Variants in PAK2 observed in about 807,000 individuals in gnomAD.
PAK2 encodes the protein p21 (RAC1) activated kinase 2, also known as serine/threonine-protein kinase PAK 2.
A neutral mutation model predicts 65.9 loss-of-function variants in PAK2; 21 were observed. The ratio of observed to expected loss-of-function variants is 0.32; its 90% CI spans 0.23 to 0.46. The LOEUF (loss-of-function observed/expected upper bound fraction) is 0.46, where lower values mean the gene tolerates loss of function less well. Among genes scored for constraint, PAK2 ranks in the 20% least tolerant of loss-of-function variants. PAK2 has a pLI of 1.00. For synonymous variants in PAK2, 204 were observed against 219.7 expected, an observed-to-expected ratio of 0.93 and a Z score of 0.63; for missense variants, 324 against 642.6, an observed-to-expected ratio of 0.50 and a Z score of 5.36.
rs1224350826 is a variant in PAK2 at position 196,829,883 on chromosome 3, G to T, written c.*1478G>T. ...GAGACCTGTAGCATTAATTATTTGA[G>T]TGCCCTCCCTTCTCCCCTCCCCTCC... On this transcript the variant is annotated 3_prime_UTR_variant, in exon 15 of 15. Coordinates refer to ENST00000327134, the MANE Select transcript of PAK2 (RefSeq NM_002577.4). The T allele has an allele frequency of 6.6e-6, 1 of 152,016 alleles. No homozygotes were observed. The highest frequency in any genetic ancestry group is 2.1e-4 in the South Asian group (1 of 4,820). The allele number at this position is 152,016 out of a possible 1,614,324, so 9.4% of individuals were successfully genotyped here. A position where few individuals can be genotyped will look rare whatever the true frequency, so the allele number is the denominator to read the frequency against.
At chr3:196,826,221 G>C (rs1441147651) in intron 13 of PAK2, among the ~76,000 whole-genome samples, 2 of 150,996 alleles carry the variant, frequency 1.3e-5, no homozygotes, top group South Asian at 2.1e-4. Context: ...GCCCAGGCTG[G>C]AGTGCAGTGG....
intron 1 of PAK2, among the ~76,000 whole-genome samples, chr3:196,762,586 T>C (rs1038005116): frequency 1.3e-5 from 2 of 149,262 alleles, no homozygotes; most frequent in African/African-American, 4.9e-5. Context: ...CTCGGCAGGC[T>C]GAGGCAGGAG....
At chr3:196,805,502 C>G (rs938925583) in intron 5 of PAK2, 119 bp downstream of exon 5, 2 of 536,124 alleles carry the variant, frequency 3.7e-6, no homozygotes, top group African/African-American at 4.0e-5. Context: ...AATAACTACT[C>G]AATAGGTGTT....
chr3:196,762,381 C>T lies in PAK2; in HGVS notation c.-21-20245C>T, dbSNP rs1269193116. 4.2e-5 allele frequency among the ~76,000 whole-genome samples: 6 copies of T among 141,816 alleles called. No individual in the cohort carries two copies. The East Asian group carries it at 6.1e-4, about 14-fold the overall frequency. 93.0% of individuals were successfully genotyped at this position (141,816 alleles called of 152,430 possible). A position where few individuals can be genotyped will look rare whatever the true frequency, so the allele number is the denominator to read the frequency against. ...TGGAGGTTGTAGTGAGCCGAGATCA[C>T]GCCACTGCACTCCAGCCTGGGCACC... is the stretch of plus-strand genomic sequence containing the variant. On this transcript the variant is annotated intron_variant, in intron 1 of 14. Coordinates refer to ENST00000327134, the MANE Select transcript of PAK2 (RefSeq NM_002577.4).
At position 196,820,260 on chromosome 3, in the gene PAK2, A is replaced by G; in HGVS notation, c.1154-111A>G. 6.1e-6 allele frequency: 3 copies of G among 492,494 alleles called. No individual in the cohort carries two copies. The highest frequency in any genetic ancestry group is 1.0e-5 in the Non-Finnish European group (3 of 291,672). 30.5% of individuals were successfully genotyped at this position (492,494 alleles called of 1,614,324 possible). On this transcript the variant is annotated intron_variant, in intron 12 of 14. Coordinates refer to ENST00000327134, the MANE Select transcript of PAK2 (RefSeq NM_002577.4). This position sits in a 1 kb window ranked among gnomAD's most constrained non-coding sequence, Gnocchi z 4.6. ...GGTTTACTTTATTAATGAAATCTTT[A>G]AAAACAAGAGGCCTAATAGTCAAAA...
Position 196,791,153 on chromosome 3 carries a change from G to A in PAK2, c.187+8320G>A, listed in dbSNP as rs142415877. On this transcript the variant is annotated intron_variant, in intron 2 of 14. Coordinates refer to ENST00000327134, the MANE Select transcript of PAK2 (RefSeq NM_002577.4). This position sits in a 1 kb window ranked among gnomAD's most constrained non-coding sequence, Gnocchi z 4.0. Reference sequence around the variant, plus strand: ...GGGCTTCTAGAGTCGTTATATAAGAGTATTAAAGACATTCTGTTGGTATAG... The same window carrying A: ...GGGCTTCTAGAGTCGTTATATAAGAATATTAAAGACATTCTGTTGGTATAG... Among the ~76,000 whole-genome samples, 654 of 152,246 alleles carry A rather than the reference G, an allele frequency of 4.3e-3. 5 individuals carry two copies. The highest frequency in any genetic ancestry group is 0.015 in the African/African-American group (630 of 41,556).
intron 2 of PAK2, among the ~76,000 whole-genome samples, chr3:196,784,385 C>T (rs1321828061): frequency 9.8e-6 from 1 of 102,260 alleles, no homozygotes; most frequent in Admixed American, 1.0e-4. Flanking sequence ...CCTCCCCCCA[C>T]CCCACCACAG....
chr3:196,817,150 G>A (rs1329179626), intron 11 of PAK2, among the ~76,000 whole-genome samples: 2 of 145,904 alleles, frequency 1.4e-5, no homozygotes, highest in South Asian at 2.2e-4. Context: ...AAACCTGAAA[G>A]AGGCAATTTT....
chr3:196,785,101 T>A (rs971848238), intron 2 of PAK2: 1 of 152,228 alleles, frequency 6.6e-6, no homozygotes, highest in Admixed American at 6.6e-5. Flanking sequence ...TTTAATTTTT[T>A]AAATACCCCA....
rs7429125 is a variant in PAK2, at chr3:196,824,778, C to T, written c.1351-2418C>T. On this transcript the variant is annotated intron_variant, in intron 13 of 14. Coordinates refer to ENST00000327134, the MANE Select transcript of PAK2 (RefSeq NM_002577.4). Reference sequence around the variant, plus strand: ...GGAGGATCTCTTGACCCCAGGAGTTCAAGGCCAGCCTGGGCAACATATCGA... The same window carrying T: ...GGAGGATCTCTTGACCCCAGGAGTTTAAGGCCAGCCTGGGCAACATATCGA... 8.1e-4 allele frequency among the ~76,000 whole-genome samples: 122 copies of T among 151,382 alleles called. 1 individual carries two copies. Among genetic ancestry groups the T allele is most frequent in the African/African-American group, 2.9e-3 (118 of 41,260 alleles).
At chr3:196,786,522 G>T (rs1168369213) in intron 2 of PAK2, among the ~76,000 whole-genome samples, 1 of 152,020 alleles carries the variant, frequency 6.6e-6, no homozygotes, top group Non-Finnish European at 1.5e-5. Context: ...TCTTACTTGA[G>T]GTCATAAAGA....
chr3:196,756,599 A>T (rs1713775851), intron 1 of PAK2, among the ~76,000 whole-genome samples: 1 of 152,194 alleles, frequency 6.6e-6, no homozygotes, highest in African/African-American at 2.4e-5. Flanking sequence ...GCACTTTGGG[A>T]GGCCGAGCTG....
chr3:196,812,922 G>A (rs1425532732), intron 10 of PAK2, 71 bp downstream of exon 10: 36 of 686,842 alleles, frequency 5.2e-5, no homozygotes, highest in Non-Finnish European at 7.0e-5. Context: ...TCGGGGGTGG[G>A]GCTGGCCACT....
chr3:196,768,504 G>GTATT (rs60665499), intron 1 of PAK2, among the ~76,000 whole-genome samples: 3,025 of 149,094 alleles, frequency 0.02, 126 homozygotes, highest in African/African-American at 0.068. Flanking sequence ...ATGTATGTAT[G>GTATT]TATTTATTTA....
At chr3:196,764,841 C>CTT (rs57199433) in intron 1 of PAK2, among the ~76,000 whole-genome samples, 2,515 of 107,592 alleles carry the variant, frequency 0.023, 77 homozygotes, top group Middle Eastern at 0.049. Context: ...TCTTTTCTTT[C>CTT]TTTTTTTTTT....
intron 1 of PAK2, among the ~76,000 whole-genome samples, chr3:196,761,502 G>T (rs1164931698): frequency 6.2e-4 from 57 of 92,142 alleles, no homozygotes; most frequent in Admixed American, 1.4e-3. Flanking sequence ...GGATCCCAAG[G>T]CAGAAGAATT....
intron 11 of PAK2, among the ~76,000 whole-genome samples, chr3:196,815,615 C>T (rs1423936891): frequency 3.3e-5 from 5 of 151,932 alleles, no homozygotes; most frequent in Non-Finnish European, 5.9e-5. Flanking sequence ...GGTGAAACCC[C>T]GTCTCTACTA....
At chr3:196,787,118 C>G (rs2108744875) in intron 2 of PAK2, among the ~76,000 whole-genome samples, 1 of 152,266 alleles carries the variant, frequency 6.6e-6, no homozygotes, top group East Asian at 1.9e-4. Flanking sequence ...GCCACCACAC[C>G]TGGCTCTTAT....
chr3:196,830,187 A>G lies in PAK2; in HGVS notation c.*1782A>G, dbSNP rs879832212. On this transcript the variant is annotated 3_prime_UTR_variant, in exon 15 of 15. Transcript: ENST00000327134. Reference sequence around the variant, plus strand: ...TGATAAGATGCAATTATAAGGAGAGAAGTGACTGTTTTTTATTGATAAGGC... The same window carrying G: ...TGATAAGATGCAATTATAAGGAGAGGAGTGACTGTTTTTTATTGATAAGGC... The G allele has an allele frequency of 5.3e-5, 8 of 152,172 alleles. No individual in the cohort carries two copies. Among genetic ancestry groups the G allele is most frequent in the Non-Finnish European group, 8.8e-5 (6 of 68,046 alleles). 9.4% of individuals were successfully genotyped at this position (152,172 alleles called of 1,614,324 possible). A position where few individuals can be genotyped will look rare whatever the true frequency, so the allele number is the denominator to read the frequency against.
Sources: allele counts gnomAD v4.1 joint callset (sites outside exome capture counted in the v4.1 genomes callset), GRCh38; gene constraint gnomAD v4.1.1; non-coding constraint Gnocchi (gnomAD v3.1); transcripts MANE v1.5; gene names NCBI Gene and HGNC (gene_info 2026-07-23, HGNC 2026-07-21).